ZMYND19: variants seen among roughly 807,000 people sequenced by gnomAD.
ZMYND19 encodes the protein zinc finger MYND-type containing 19.
ZMYND19 carries 17 observed loss-of-function variants against 32.0 expected under a neutral mutation model. The observed-to-expected ratio is 0.53, with a 90% CI of 0.36 to 0.80. The LOEUF (loss-of-function observed/expected upper bound fraction) is 0.80, where lower values mean the gene tolerates loss of function less well. Among genes scored for constraint, ZMYND19 ranks in the 30% least tolerant of loss-of-function variants. ZMYND19 has a pLI of 0.00. For missense variants in ZMYND19, 250 were observed against 293.6 expected (o/e 0.85, Z 1.09); for synonymous variants, 124 against 113.6 (o/e 1.09, Z -0.58).
intron 1 of ZMYND19, chr9:137,589,551 C>T: frequency 1.0e-6 from 1 of 985,474 alleles, no homozygotes; most frequent in Non-Finnish European, 1.2e-6. Context: ...TCAATGCCCA[C>T]AGGTGCCATG....
chr9:137,589,830 G>A (rs2133305170), intron 1 of ZMYND19: 1 of 985,486 alleles, frequency 1.0e-6, no homozygotes, highest in Admixed American at 6.1e-5. Context: ...TAAACCGTGT[G>A]GCCGCACTGG....
intron 1 of ZMYND19, chr9:137,589,579 C>G: frequency 1.0e-6 from 1 of 985,466 alleles, no homozygotes; most frequent in Non-Finnish European, 1.2e-6. Context: ...CAGCCTCAAA[C>G]GTGGAGCGTG....
At chr9:137,587,165 A>C in intron 3 of ZMYND19, 58 bp from the exon 4 acceptor site, 1 of 1,580,910 alleles carries the variant, frequency 6.3e-7, no homozygotes, top group Non-Finnish European at 8.5e-7. Flanking sequence ...CCACCCTCAC[A>C]GACATTTCTG....
intron 4 of ZMYND19, among the ~76,000 whole-genome samples, chr9:137,584,992 C>T (rs943455123): frequency 1.3e-5 from 2 of 152,144 alleles, no homozygotes; most frequent in Non-Finnish European, 2.9e-5. Context: ...AACATAATCC[C>T]CGAAAGAATA....
chr9:137,590,394 C>CCGGGCGGGACGAGGCT lies in ZMYND19; in HGVS notation c.-147_-132dup. 1.9e-6 allele frequency: 1 copy of CCGGGCGGGACGAGGCT among 513,748 alleles called. No homozygotes were observed. Among genetic ancestry groups the CCGGGCGGGACGAGGCT allele is most frequent in the Non-Finnish European group, 2.5e-6 (1 of 400,458 alleles). 31.8% of individuals were successfully genotyped at this position (513,748 alleles called of 1,614,324 possible). A position where few individuals can be genotyped will look rare whatever the true frequency, so the allele number is the denominator to read the frequency against. Reference sequence around the variant, plus strand: ...GGTCGGGGTAGCAGCCAGGCGGGCTCCGGGCGGGACGAGGCTGGGCCGGGC... The same window carrying CCGGGCGGGACGAGGCT: ...GGTCGGGGTAGCAGCCAGGCGGGCTCCGGGCGGGACGAGGCTCGGGCGGGACGAGGCTGGGCCGGGC... On this transcript the variant is annotated 5_prime_UTR_variant, in exon 1 of 6. Coordinates refer to ENST00000298585, the MANE Select transcript of ZMYND19 (RefSeq NM_138462.3). This position sits in a 1 kb window ranked among gnomAD's most constrained non-coding sequence, Gnocchi z 4.2.
At chr9:137,587,675 G>C in intron 3 of ZMYND19, 42 bp downstream of exon 3, 1 of 1,583,066 alleles carries the variant, frequency 6.3e-7, no homozygotes, top group Non-Finnish European at 8.7e-7. Flanking sequence ...GCTCACCCAG[G>C]AGCCCAGTGG....
chr9:137,583,945 G>C (rs901246404), intron 4 of ZMYND19, among the ~76,000 whole-genome samples: 4 of 148,004 alleles, frequency 2.7e-5, no homozygotes, highest in African/African-American at 8.0e-5. Flanking sequence ...GACAAAGACA[G>C]GGTGACCCCA....
At chr9:137,588,479 C>T (rs1287184837) in intron 2 of ZMYND19, among the ~76,000 whole-genome samples, 180 bp downstream of exon 2, 1 of 152,238 alleles carries the variant, frequency 6.6e-6, no homozygotes. Flanking sequence ...GCAGCAACAG[C>T]CAGGTTCTGC....
At position 137,590,374 on chromosome 9, in the gene ZMYND19, G is replaced by C. The variant is rs537859239; in HGVS notation, c.-111C>G. ...CAGGACGGGACCGGAGCCGGGGTCG[G>C]GGTAGCAGCCAGGCGGGCTCCGGGC... is the stretch of plus-strand genomic sequence containing the variant. On this transcript the variant is annotated 5_prime_UTR_variant, in exon 1 of 6. Coordinates refer to ENST00000298585, the MANE Select transcript of ZMYND19 (RefSeq NM_138462.3). This position sits in a 1 kb window ranked among gnomAD's most constrained non-coding sequence, Gnocchi z 4.2. The C allele has an allele frequency of 6.1e-4, 431 of 704,420 alleles. 7 individuals carry two copies. The East Asian group carries it at 0.045, about 74-fold the overall frequency. The allele number at this position is 704,420 out of a possible 1,614,324, so 43.6% of individuals were successfully genotyped here. A position where few individuals can be genotyped will look rare whatever the true frequency, so the allele number is the denominator to read the frequency against.
At chr9:137,584,172 C>A (rs879303179) in intron 4 of ZMYND19, among the ~76,000 whole-genome samples, 1 of 152,250 alleles carries the variant, frequency 6.6e-6, no homozygotes, top group Non-Finnish European at 1.5e-5. Context: ...GGGTGCTGAC[C>A]CAGCACAAGA....
intron 5 of ZMYND19, 96 bp downstream of exon 5, chr9:137,582,887 G>C: frequency 1.3e-6 from 2 of 1,549,894 alleles, no homozygotes; most frequent in East Asian, 2.2e-5. Flanking sequence ...GCGGTCTCTG[G>C]GGAATGGGAC....
At chr9:137,589,345 C>G (rs1192840221) in intron 1 of ZMYND19, 1 of 985,314 alleles carries the variant, frequency 1.0e-6, no homozygotes, top group Non-Finnish European at 1.2e-6. Flanking sequence ...GGAACAGGTC[C>G]CAGAACGGGC....
Position 137,582,483 on chromosome 9 carries a change from G to A in ZMYND19, c.*60C>T. The A allele has an allele frequency of 2.5e-6, 4 of 1,569,608 alleles. No individual in the cohort carries two copies. Among genetic ancestry groups the A allele is most frequent in the Non-Finnish European group, 3.5e-6 (4 of 1,157,454 alleles). On this transcript the variant is annotated 3_prime_UTR_variant, in exon 6 of 6. Coordinates refer to ENST00000298585, the MANE Select transcript of ZMYND19 (RefSeq NM_138462.3). Reference sequence around the variant, plus strand: ...CACCTCCAGGTTCAACCACCAGTCTGTCTCTGCTGTGCCCAGGGTAGAGCC... The same window carrying A: ...CACCTCCAGGTTCAACCACCAGTCTATCTCTGCTGTGCCCAGGGTAGAGCC...
rs1178504671 is a variant in ZMYND19, at chr9:137,588,676, C to G, written c.94G>C (p.Glu32Gln). 6.2e-7 allele frequency: 1 copy of G among 1,614,068 alleles called. No homozygotes were observed. The highest frequency in any genetic ancestry group is 8.5e-7 in the Non-Finnish European group (1 of 1,180,010). ...LIDEQDIPLV[E>Q]SYSFEARMEV... ...TTACTTACCTCAAAGGAGTAGCTCT[C>G]CACCAGCGGGATGTCCTGCTCATCG... Residue 32 changes from glutamate (E) to glutamine (Q), a missense_variant, in exon 2 of 6, where the codon GAG becomes CAG. Around this residue, in one of 2 missense-constraint regions of ZMYND19, gnomAD observed 212 missense variants for 218.8 expected, o/e 0.97. Transcript: ENST00000298585.
At chr9:137,585,265 A>G (rs939132120) in intron 4 of ZMYND19, among the ~76,000 whole-genome samples, 10 of 151,846 alleles carry the variant, frequency 6.6e-5, no homozygotes, top group South Asian at 2.1e-4. Context: ...TCTACTAAAA[A>G]TACAAAAATT....
chr9:137,586,842 C>A (rs1842210447), intron 4 of ZMYND19, 125 bp downstream of exon 4: 2 of 1,335,298 alleles, frequency 1.5e-6, no homozygotes, highest in Non-Finnish European at 2.0e-6. Context: ...ATGAAATTCC[C>A]AAAATACACA....
At position 137,582,329 on chromosome 9, in the gene ZMYND19, G is replaced by A. The variant is rs987831645; in HGVS notation, c.*214C>T. 13 of 593,334 alleles carry A rather than the reference G, an allele frequency of 2.2e-5. No homozygotes were observed. Among genetic ancestry groups the A allele is most frequent in the Admixed American group, 3.3e-5 (1 of 30,266 alleles). The allele number at this position is 593,334 out of a possible 1,614,324, so 36.8% of individuals were successfully genotyped here. On this transcript the variant is annotated 3_prime_UTR_variant, in exon 6 of 6. Transcript: ENST00000298585. ...TATTAACATATAAATAATGAGAACC[G>A]TCCTGGTGGGAGCCTCCTCCGTTGT... is the stretch of plus-strand genomic sequence containing the variant.
At position 137,590,006 on chromosome 9, in the gene ZMYND19, C is replaced by T. The variant is rs1842253650; in HGVS notation, c.51+207G>A. 1 of 985,138 alleles carries T rather than the reference C, an allele frequency of 1.0e-6. No individual in the cohort carries two copies. The highest frequency in any genetic ancestry group is 1.1e-4 in the East Asian group (1 of 8,782). The allele number at this position is 985,138 out of a possible 1,614,324, so 61.0% of individuals were successfully genotyped here. ...GAGGGTGGCCAGGTGCACCCCAGAG[C>T]CGAGGGGTGCGTGCCCGCCGGCCTG... On this transcript the variant is annotated intron_variant, in intron 1 of 5. Transcript: ENST00000298585. This position sits in a 1 kb window ranked among gnomAD's most constrained non-coding sequence, Gnocchi z 4.2.
chr9:137,589,256 G>C (rs758253834), intron 1 of ZMYND19: 167 of 849,940 alleles, frequency 2.0e-4, no homozygotes, highest in Non-Finnish European at 2.1e-4. Context: ...CCTGACTGGA[G>C]AGCCCACCCT....
Sources: allele counts gnomAD v4.1 joint callset (sites outside exome capture counted in the v4.1 genomes callset), GRCh38; gene constraint gnomAD v4.1.1; regional missense constraint gnomAD v4.1.1; non-coding constraint Gnocchi (gnomAD v3.1); transcripts MANE v1.5; gene names NCBI Gene and HGNC (gene_info 2026-07-23, HGNC 2026-07-21).